KALRN: variants seen among roughly 807,000 people sequenced by gnomAD.
KALRN encodes kalirin RhoGEF kinase.
KALRN carries 70 observed loss-of-function variants against 353.7 expected under a neutral mutation model. That is an observed-to-expected ratio of 0.20 (90% CI 0.16 to 0.24). KALRN has a LOEUF of 0.24. KALRN is among the 10% of genes least tolerant of loss of function. The pLI is 1.00. For missense variants in KALRN, 2,791 were observed against 3,756.7 expected, an observed-to-expected ratio of 0.74 and a Z score of 6.72; for synonymous variants, 1,391 against 1,434.8, an observed-to-expected ratio of 0.97 and a Z score of 0.69.
chr3:124,511,958 C>A lies in KALRN; in HGVS notation c.4935+15545C>A, dbSNP rs147635431. ...TAGTTTTTAATCTCAACCACTGAAT[C>A]ACAAGATCCATGAACACAGGCTTAT... On this transcript the variant is annotated intron_variant, in intron 33 of 59. Coordinates refer to ENST00000682506, the MANE Select transcript of KALRN (RefSeq NM_001388419.1). Among the ~76,000 whole-genome samples, 3 of 152,310 alleles carry A rather than the reference C, an allele frequency of 2.0e-5. No individual in the cohort carries two copies. The East Asian group carries it at 5.8e-4, about 29-fold the overall frequency.
At chr3:124,549,687 C>G (rs1211040982) in intron 33 of KALRN, among the ~76,000 whole-genome samples, 1 of 151,888 alleles carries the variant, frequency 6.6e-6, no homozygotes, top group Admixed American at 6.6e-5. Flanking sequence ...GTAAGATGAA[C>G]AAAATTAGTC....
chr3:124,034,843 C>T (rs2039262395), intron 1 of KALRN, among the ~76,000 whole-genome samples: 1 of 152,126 alleles, frequency 6.6e-6, no homozygotes, highest in Admixed American at 6.5e-5. Flanking sequence ...CATGCATCTG[C>T]TCTCCCTTCT....
intron 1 of KALRN, among the ~76,000 whole-genome samples, chr3:124,223,768 C>T (rs943027746): frequency 6.6e-5 from 10 of 152,186 alleles, no homozygotes; most frequent in African/African-American, 1.9e-4. Flanking sequence ...GCTCAAGGGC[C>T]AGTTTTACCA....
chr3:124,489,128 G>A (rs181210793), intron 29 of KALRN, among the ~76,000 whole-genome samples: 7 of 152,204 alleles, frequency 4.6e-5, no homozygotes, highest in South Asian at 2.1e-4. Context: ...CCAACATGGC[G>A]AAACCCCGTC....
At chr3:124,388,280 G>A (rs1301264125) in intron 11 of KALRN, among the ~76,000 whole-genome samples, 1 of 151,954 alleles carries the variant, frequency 6.6e-6, no homozygotes, top group Non-Finnish European at 1.5e-5. Context: ...AAAGTAGGAA[G>A]TTTCTTTAAA....
intron 21 of KALRN, among the ~76,000 whole-genome samples, chr3:124,454,695 T>C (rs1001220927): frequency 6.6e-6 from 1 of 152,084 alleles, no homozygotes; most frequent in East Asian, 1.9e-4. Context: ...TGGATGGTTG[T>C]GCCTGTACTG....
At chr3:124,251,036 T>C (rs1171148706) in intron 3 of KALRN, among the ~76,000 whole-genome samples, 1 of 152,230 alleles carries the variant, frequency 6.6e-6, no homozygotes, top group Non-Finnish European at 1.5e-5. Context: ...TGTCTTCTCT[T>C]GGCTAAGAGT....
intron 33 of KALRN, among the ~76,000 whole-genome samples, chr3:124,558,649 T>C (rs2071569942): frequency 6.6e-6 from 1 of 152,240 alleles, no homozygotes; most frequent in African/African-American, 2.4e-5. Flanking sequence ...TTTAATACTA[T>C]CTCATTTAAT....
chr3:124,355,884 T>C (rs146293282), intron 10 of KALRN, among the ~76,000 whole-genome samples: 221 of 152,068 alleles, frequency 1.5e-3, no homozygotes, highest in African/African-American at 5.2e-3. Flanking sequence ...CCCTGCTAAT[T>C]TTATATTTTC....
At chr3:124,714,216 C>G (rs2063026064) in intron 58 of KALRN, among the ~76,000 whole-genome samples, 1 of 152,192 alleles carries the variant, frequency 6.6e-6, no homozygotes, top group South Asian at 2.1e-4. Context: ...AGAGCCTGAT[C>G]TGTTTGTAGG....
At chr3:124,636,006 G>A (rs890436570) in intron 36 of KALRN, among the ~76,000 whole-genome samples, 3 of 152,030 alleles carry the variant, frequency 2.0e-5, no homozygotes, top group African/African-American at 7.2e-5. Flanking sequence ...CCAGGAGTAG[G>A]ATTACTAGAT....
intron 6 of KALRN, among the ~76,000 whole-genome samples, chr3:124,316,440 A>C (rs1322401363): frequency 2.0e-5 from 3 of 152,160 alleles, no homozygotes; most frequent in African/African-American, 7.2e-5. Flanking sequence ...GATCCAATAG[A>C]CTGAACTCCA....
chr3:124,474,633 G>A (rs759731267), intron 25 of KALRN, 30 bp from the exon 26 acceptor site: 11 of 1,594,742 alleles, frequency 6.9e-6, no homozygotes, highest in Non-Finnish European at 9.5e-6. Flanking sequence ...GCACAGAGGT[G>A]TCTGATTCAG....
chr3:124,119,994 T>C (rs2149580848), intron 1 of KALRN, among the ~76,000 whole-genome samples: 1 of 152,254 alleles, frequency 6.6e-6, no homozygotes, highest in South Asian at 2.1e-4. Flanking sequence ...ATCCATCTAA[T>C]CTCACCTAAG....
chr3:124,362,253 T>C (rs991148849), intron 10 of KALRN, among the ~76,000 whole-genome samples: 1 of 152,254 alleles, frequency 6.6e-6, no homozygotes, highest in African/African-American at 2.4e-5. Context: ...CTGTCTTTTT[T>C]CTCTGCCAAT....
chr3:124,530,369 G>A (rs2067939190), intron 33 of KALRN, among the ~76,000 whole-genome samples: 1 of 152,046 alleles, frequency 6.6e-6, no homozygotes, highest in Non-Finnish European at 1.5e-5. Context: ...GTCCAACACC[G>A]AAGATGAGTC....
intron 34 of KALRN, among the ~76,000 whole-genome samples, chr3:124,576,362 T>C (rs559486691): frequency 2.6e-5 from 4 of 152,176 alleles, no homozygotes; most frequent in East Asian, 1.9e-4. Context: ...TAAATATTTA[T>C]AGAAAGGAGG....
At chr3:124,519,128 C>G in intron 33 of KALRN, 1 of 985,526 alleles carries the variant, frequency 1.0e-6, no homozygotes, top group African/African-American at 1.7e-5. Context: ...CACTCCCTCC[C>G]GAGGTCTCTG....
chr3:124,118,496 C>T (rs899428249), intron 1 of KALRN, among the ~76,000 whole-genome samples: 3 of 152,232 alleles, frequency 2.0e-5, no homozygotes, highest in Non-Finnish European at 1.5e-5. Context: ...AACTTTCCAG[C>T]CCCCAGAAGC....
Sources: gnomAD v4.1 joint callset for allele counts (sites outside exome capture counted in the v4.1 genomes callset) on GRCh38, gnomAD v4.1.1 for gene constraint, MANE v1.5 for transcripts, NCBI Gene and HGNC (gene_info 2026-07-23, HGNC 2026-07-21) for gene names.